Variants in CNTNAP2 observed in about 807,000 individuals in gnomAD.
The protein encoded by CNTNAP2 is contactin-associated protein-like 2.
In CNTNAP2, 98 loss-of-function variants were observed where a neutral mutation model predicts 155.2. That is an observed-to-expected ratio of 0.63 (90% confidence interval 0.54 to 0.75). The LOEUF (loss-of-function observed/expected upper bound fraction) is 0.75. Among genes scored for constraint, CNTNAP2 ranks in the 30% least tolerant of loss-of-function variants. The pLI, the probability that CNTNAP2 is intolerant of heterozygous loss-of-function variation, is 0.00. For synonymous variants in CNTNAP2, 651 were observed against 631.2 expected, an observed-to-expected ratio of 1.03 and a Z score of -0.47; for missense variants, 1,727 against 1,688.1, an observed-to-expected ratio of 1.02 and a Z score of -0.40.
intron 3 of CNTNAP2, among the ~76,000 whole-genome samples, chr7:146,947,517 G>A (rs9801073): frequency 7.5e-6 from 1 of 133,138 alleles, no homozygotes; most frequent in Admixed American, 8.2e-5. Context: ...GATATATATA[G>A]TGTGTATGTA....
chr7:146,929,119 T>G (rs550342532), intron 3 of CNTNAP2, among the ~76,000 whole-genome samples: 6 of 152,316 alleles, frequency 3.9e-5, no homozygotes, highest in African/African-American at 1.4e-4. Flanking sequence ...GATTTGAGAA[T>G]GGGCAGACTG....
intron 10 of CNTNAP2, among the ~76,000 whole-genome samples, chr7:147,414,857 C>G (rs1048325564): frequency 3.0e-5 from 4 of 134,676 alleles, no homozygotes; most frequent in Non-Finnish European, 4.6e-5. Flanking sequence ...AGGAGAATGG[C>G]GTGAACCTTG....
At chr7:147,278,615 C>G (rs142863501) in intron 8 of CNTNAP2, among the ~76,000 whole-genome samples, 3 of 151,644 alleles carry the variant, frequency 2.0e-5, no homozygotes, top group African/African-American at 7.2e-5. Flanking sequence ...AAAAATAGCA[C>G]ATTTTTAAAA....
At chr7:147,985,529 G>C (rs1801604790) in intron 15 of CNTNAP2, among the ~76,000 whole-genome samples, 1 of 148,980 alleles carries the variant, frequency 6.7e-6, no homozygotes, top group Non-Finnish European at 1.5e-5. Context: ...TGAAAGCAGA[G>C]ATAAAAAAAG....
In CNTNAP2 at chr7:148,184,806, A is replaced by T. The variant is rs555366929; in HGVS notation, c.3010+12328A>T. On this transcript the variant is annotated intron_variant, in intron 18 of 23. Transcript: ENST00000361727. ...TTAAAAACCAAAGTGAACAATCCTA[A>T]CTAGGCATTCTGTTTCTTTATAAAT... Among the ~76,000 whole-genome samples the T allele has an allele frequency of 2.0e-5, 3 of 152,350 alleles. No homozygotes were observed. The East Asian group carries it at 5.8e-4, about 29-fold the overall frequency.
chr7:146,139,299 C>A (rs571657016), intron 1 of CNTNAP2, among the ~76,000 whole-genome samples: 2 of 151,880 alleles, frequency 1.3e-5, no homozygotes, highest in African/African-American at 4.8e-5. Context: ...TAAGTTGAAC[C>A]CTTGTAAGTT....
chr7:146,775,800 A>T (rs1490727144), intron 2 of CNTNAP2, among the ~76,000 whole-genome samples: 2 of 152,136 alleles, frequency 1.3e-5, no homozygotes, highest in Admixed American at 1.3e-4. Context: ...AGAATAATAT[A>T]TAAGGTATTC....
chr7:147,174,161 C>G (rs530301095), intron 8 of CNTNAP2, among the ~76,000 whole-genome samples: 4 of 152,218 alleles, frequency 2.6e-5, no homozygotes, highest in African/African-American at 9.6e-5. Flanking sequence ...TGTAGTTTTT[C>G]TGTCTCAAAA....
intron 1 of CNTNAP2, among the ~76,000 whole-genome samples, chr7:146,512,168 G>C (rs1797477135): frequency 1.3e-5 from 2 of 151,348 alleles, no homozygotes; most frequent in South Asian, 4.2e-4. Flanking sequence ...TATTTATTTA[G>C]GTCTTCTTTT....
At chr7:146,467,317 G>A (rs796274893) in intron 1 of CNTNAP2, among the ~76,000 whole-genome samples, 20 of 152,198 alleles carry the variant, frequency 1.3e-4, no homozygotes, top group African/African-American at 3.9e-4. Context: ...TGATGGAGTC[G>A]TTGACATGAC....
chr7:146,668,182 G>T (rs1218980419), intron 1 of CNTNAP2, among the ~76,000 whole-genome samples: 1 of 151,890 alleles, frequency 6.6e-6, no homozygotes, highest in African/African-American at 2.4e-5. Flanking sequence ...TAATATAATG[G>T]CATATTACAT....
intron 3 of CNTNAP2, among the ~76,000 whole-genome samples, chr7:147,023,744 T>C (rs933869747): frequency 1.3e-5 from 2 of 152,194 alleles, no homozygotes; most frequent in Admixed American, 1.3e-4. Context: ...GGGCATCAAG[T>C]TTACTGCCAG....
At chr7:147,420,650 A>G (rs1797275440) in intron 10 of CNTNAP2, among the ~76,000 whole-genome samples, 1 of 152,208 alleles carries the variant, frequency 6.6e-6, no homozygotes, top group Non-Finnish European at 1.5e-5. Context: ...CCCTCAAAAA[A>G]TTCATTTAAA....
intron 15 of CNTNAP2, among the ~76,000 whole-genome samples, chr7:148,040,244 A>G (rs1563177597): frequency 6.6e-6 from 1 of 152,358 alleles, no homozygotes; most frequent in East Asian, 1.9e-4. Context: ...AATAAGCAAA[A>G]GCATTAAAAT....
At chr7:147,849,744 A>G (rs1798890386) in intron 13 of CNTNAP2, 1 of 152,230 alleles carries the variant, frequency 6.6e-6, no homozygotes, top group Admixed American at 6.5e-5. Flanking sequence ...CCTTTCTGTC[A>G]CCAAGGCCAC....
At chr7:146,299,012 C>T (rs540766161) in intron 1 of CNTNAP2, among the ~76,000 whole-genome samples, 10 of 152,122 alleles carry the variant, frequency 6.6e-5, no homozygotes, top group South Asian at 2.1e-4. Flanking sequence ...TGGTGGATCA[C>T]GCCTGTTATC....
intron 2 of CNTNAP2, among the ~76,000 whole-genome samples, chr7:146,837,951 T>G (rs751659262): frequency 6.6e-5 from 10 of 152,196 alleles, no homozygotes; most frequent in African/African-American, 9.7e-5. Context: ...CTTTACCTGG[T>G]CTTGTGCAGT....
intron 1 of CNTNAP2, among the ~76,000 whole-genome samples, chr7:146,345,505 T>A (rs1295391287): frequency 1.3e-5 from 2 of 152,160 alleles, no homozygotes; most frequent in African/African-American, 4.8e-5. Flanking sequence ...ACTATCTTTA[T>A]AGCACAAAAT....
intron 1 of CNTNAP2, among the ~76,000 whole-genome samples, chr7:146,561,107 A>C (rs1798273046): frequency 6.6e-6 from 1 of 152,188 alleles, no homozygotes; most frequent in Non-Finnish European, 1.5e-5. Flanking sequence ...ATTGCCCATC[A>C]TCGTCCAGGT....
Sources: gnomAD v4.1 joint callset for allele counts (sites outside exome capture counted in the v4.1 genomes callset) on GRCh38, gnomAD v4.1.1 for gene constraint, MANE v1.5 for transcripts, NCBI Gene and HGNC (gene_info 2026-07-23, HGNC 2026-07-21) for gene names.